Variants in TRABD observed in about 807,000 individuals in gnomAD.
The protein encoded by TRABD is traB domain-containing protein.
In TRABD, 23 loss-of-function variants were observed where a neutral mutation model predicts 39.6. The observed-to-expected ratio is 0.58, with a 90% confidence interval of 0.42 to 0.82. TRABD has a LOEUF of 0.82. Ranked by LOEUF, TRABD falls within the 40% of genes least tolerant of loss-of-function variation. TRABD has a pLI of 0.00. For missense variants in TRABD, 487 were observed against 544.9 expected, an observed-to-expected ratio of 0.89 and a Z score of 1.06; for synonymous variants, 243 against 232.1, an observed-to-expected ratio of 1.05 and a Z score of -0.43.
intron 5 of TRABD, among the ~76,000 whole-genome samples, chr22:50,196,248 C>T (rs1451160071): frequency 1.3e-5 from 2 of 152,222 alleles, no homozygotes; most frequent in Admixed American, 6.5e-5. Flanking sequence ...GAGTGGGTCC[C>T]AGTGGACCAA....
intron 5 of TRABD, 39 bp downstream of exon 5, chr22:50,195,079 G>A: frequency 1.2e-5 from 19 of 1,521,670 alleles, no homozygotes; most frequent in Non-Finnish European, 1.7e-5. Flanking sequence ...CAGGGTCGGG[G>A]TCAAAGCCAC....
At chr22:50,188,530 G>A (rs1185485551) in intron 1 of TRABD, among the ~76,000 whole-genome samples, 34 of 152,172 alleles carry the variant, frequency 2.2e-4, no homozygotes, top group Non-Finnish European at 1.0e-4. Context: ...GCTTGTAGAC[G>A]GGCCCCCGCG....
In TRABD at chr22:50,195,052, C is replaced by T. The variant is rs952595997; in HGVS notation, c.420+12C>T. ...AGGCCGTGAGGCAGGTGCGCAGCCG[C>T]GGGCAAGGGTCAGGGTCAGGGTCGG... On this transcript the variant is annotated intron_variant, in intron 5 of 9. Transcript: ENST00000380909. 9 of 1,571,618 alleles carry T rather than the reference C, an allele frequency of 5.7e-6. No individual in the cohort carries two copies. Among genetic ancestry groups the T allele is most frequent in the East Asian group, 2.3e-5 (1 of 42,898 alleles).
chr22:50,197,976 G>C lies in TRABD; in HGVS notation c.825G>C (p.Glu275Asp), dbSNP rs368833269. The C allele has an allele frequency of 6.2e-7, 1 of 1,612,202 alleles. No homozygotes were observed. The highest frequency in any genetic ancestry group is 8.5e-7 in the Non-Finnish European group (1 of 1,179,616). Residue 275 changes from glutamate to aspartate, a missense_variant, in exon 8 of 10, where the codon GAG becomes GAC. Glu to Asp is a conservative substitution (Grantham distance 45, BLOSUM62 2). This residue lies in a region of TRABD where 358 missense variants were observed against 414.7 expected (regional missense o/e 0.86). Transcript: ENST00000380909. ...YMLRQAARRLELPRASDAEPR... is the reference protein window; with the variant it reads ...YMLRQAARRLDLPRASDAEPR... The stretch of plus-strand genomic sequence containing the variant: ...TGCGCCAGGCCGCGCGGCGCCTCGA[G>C]CTGCCTCGGGCCTCTGACGGTGACG...
chr22:50,199,007 C>T lies in TRABD; in HGVS notation c.*488C>T. ...CCAGCCGACCCCACCGTGCCCCTGG[C>T]ATCCTGGCCCTGGCCGCCACCTCCC... On this transcript the variant is annotated 3_prime_UTR_variant, in exon 10 of 10. Coordinates refer to ENST00000380909, the MANE Select transcript of TRABD (RefSeq NM_001320485.2). 3.0e-6 allele frequency: 2 copies of T among 663,770 alleles called. No homozygotes were observed. Among genetic ancestry groups the T allele is most frequent in the Non-Finnish European group, 5.6e-6 (2 of 354,892 alleles). The allele number at this position is 663,770 out of a possible 1,614,324, so 41.1% of individuals were successfully genotyped here.
rs1290783311 is a variant in TRABD, at chr22:50,198,082, C to T, written c.852C>T (p.Pro284=). 1.2e-6 allele frequency: 2 copies of T among 1,612,528 alleles called. No homozygotes were observed. The highest frequency in any genetic ancestry group is 2.2e-5 in the East Asian group (1 of 44,860). Reference sequence around the variant, plus strand: ...CCTTGTCCTTCCCCACAGCCGAGCCCAGGAAGTGCGTCCCCTCCGTGGTCG... The same window carrying T: ...CCTTGTCCTTCCCCACAGCCGAGCCTAGGAAGTGCGTCCCCTCCGTGGTCG... ...LELPRASDAE[P]RKCVPSVVVG... Residue 284 remains proline, a synonymous_variant, in exon 9 of 10, where the codon CCC becomes CCT. Transcript: ENST00000380909. This position sits in a 1 kb window ranked among gnomAD's most constrained non-coding sequence, Gnocchi z 7.9.
At chr22:50,189,314 G>A (rs1188744365) in intron 1 of TRABD, among the ~76,000 whole-genome samples, 1 of 152,244 alleles carries the variant, frequency 6.6e-6, no homozygotes, top group Non-Finnish European at 1.5e-5. Flanking sequence ...TCCTGCCCAG[G>A]GTAGCACTGG....
intron 3 of TRABD, 112 bp from the exon 4 acceptor site, chr22:50,194,228 C>T (rs1026925002): frequency 8.1e-6 from 11 of 1,357,682 alleles, no homozygotes; most frequent in African/African-American, 5.8e-5. Context: ...TTGTGCTCTG[C>T]ACCTGTTCAG....
intron 1 of TRABD, among the ~76,000 whole-genome samples, chr22:50,191,256 C>G (rs1488430674): frequency 6.6e-6 from 1 of 152,194 alleles, no homozygotes; most frequent in African/African-American, 2.4e-5. Flanking sequence ...TGCACTGAGA[C>G]AGGCCTCTTC....
intron 1 of TRABD, among the ~76,000 whole-genome samples, chr22:50,190,975 G>A (rs767831551): frequency 4.6e-5 from 7 of 152,230 alleles, no homozygotes; most frequent in Non-Finnish European, 8.8e-5. Flanking sequence ...GGCAAGGAGT[G>A]GGACCCCCTG....
Position 50,198,160 on chromosome 22 carries a change from C to G in TRABD, c.930C>G (p.Thr310=), listed in dbSNP as rs779703826. The part of the protein sequence containing the change: ...HVPGIEKNWS[T]DLNIQEIMTV... ...CTGGCATCGAGAAGAACTGGAGCAC[C>G]GACCTCAACATCCAGGAGATCATGA... Residue 310 remains threonine, a synonymous_variant, in exon 9 of 10, where the codon ACC becomes ACG. Coordinates refer to ENST00000380909, the MANE Select transcript of TRABD (RefSeq NM_001320485.2). The surrounding 1 kb of genome is among the most constrained non-coding windows in gnomAD (Gnocchi z 7.9). 1.2e-6 allele frequency: 2 copies of G among 1,612,074 alleles called. No individual in the cohort carries two copies. The highest frequency in any genetic ancestry group is 1.7e-6 in the Non-Finnish European group (2 of 1,179,468).
At chr22:50,197,742 C>T (rs1477615584) in intron 7 of TRABD, 81 bp from the exon 8 acceptor site, 14 of 1,582,288 alleles carry the variant, frequency 8.8e-6, no homozygotes, top group Non-Finnish European at 1.2e-5. Context: ...GCTGTGGTCC[C>T]TGCCCGGTGT....
intron 2 of TRABD, among the ~76,000 whole-genome samples, 153 bp from the exon 3 acceptor site, chr22:50,193,423 G>A (rs1011851004): frequency 3.3e-5 from 5 of 152,104 alleles, no homozygotes; most frequent in South Asian, 4.2e-4. Context: ...TACGTGGTCC[G>A]TGGAGCGGTC....
chr22:50,196,433 G>A (rs1386731740), intron 5 of TRABD, among the ~76,000 whole-genome samples: 1 of 152,224 alleles, frequency 6.6e-6, no homozygotes, highest in Admixed American at 6.5e-5. Context: ...GGCCCCCGGG[G>A]CTTTGCTGCC....
Position 50,194,375 on chromosome 22 carries a change from A to C in TRABD, c.148A>C (p.Lys50Gln). ...VDAFNLLLEMKLKRRRQRPNL... is the reference protein window; with the variant it reads ...VDAFNLLLEMQLKRRRQRPNL... ...CGCCTTCAACCTGCTCCTGGAGATG[A>C]AGCTGAAGCGGCGGCGTCAGCGGCC... The change falls in exon 4 of 10, where the codon AAG (lysine) becomes CAG (glutamine). Residue 50 changes from lysine to glutamine, a missense_variant. Physicochemically the swap from Lys to Gln is moderately conservative, Grantham distance 53 (BLOSUM62 1). This residue lies in a region of TRABD where 358 missense variants were observed against 414.7 expected (regional missense o/e 0.86). Transcript: ENST00000380909. The C allele has an allele frequency of 6.2e-7, 1 of 1,612,964 alleles. No individual in the cohort carries two copies. The highest frequency in any genetic ancestry group is 8.5e-7 in the Non-Finnish European group (1 of 1,179,848).
Position 50,197,576 on chromosome 22 carries a change from C to A in TRABD, c.659C>A (p.Ser220Ter). ...CTGGCTTGGGGCCTGTGCTTCCTGT[C>A]AGACCCCATCAGGTAGGGCTGCCCC... ...VRLAWGLCFL[S>*]DPISKDDVER... Residue 220 changes from serine to a stop codon, truncating the protein, a stop_gained, in exon 7 of 10, where the codon TCA (serine) becomes TAA (stop). Transcript: ENST00000380909. LOFTEE classifies it high-confidence loss of function. The A allele has an allele frequency of 1.9e-6, 3 of 1,613,174 alleles. No homozygotes were observed. Among genetic ancestry groups the A allele is most frequent in the South Asian group, 2.2e-5 (2 of 91,078 alleles).
chr22:50,190,424 C>G (rs187795270), intron 1 of TRABD, among the ~76,000 whole-genome samples: 89 of 152,280 alleles, frequency 5.8e-4, no homozygotes, highest in African/African-American at 2.1e-3. Context: ...CAGGCGTACC[C>G]TAGGCCGGCC....
chr22:50,197,235 C>T lies in TRABD; in HGVS notation c.421-6C>T, dbSNP rs1422452185. 2 of 1,612,788 alleles carry T rather than the reference C, an allele frequency of 1.2e-6. No homozygotes were observed. The highest frequency in any genetic ancestry group is 1.7e-6 in the Non-Finnish European group (2 of 1,179,686). On this transcript the variant is annotated splice_region_variant and splice_polypyrimidine_tract_variant and intron_variant, in intron 5 of 9. Coordinates refer to ENST00000380909, the MANE Select transcript of TRABD (RefSeq NM_001320485.2). The stretch of plus-strand genomic sequence containing the variant: ...TCCAGCTGATGCCTGCTCCCTCTCT[C>T]TGCAGAACGGGCTCATGTCGGGGCT...
intron 7 of TRABD, 33 bp from the exon 8 acceptor site, chr22:50,197,790 T>TC: frequency 1.4e-6 from 1 of 728,782 alleles, no homozygotes; most frequent in South Asian, 1.4e-5. Flanking sequence ...CCGTTGCCCA[T>TC]CCCTGCGGGG....
Sources: gnomAD v4.1 joint callset for allele counts (sites outside exome capture counted in the v4.1 genomes callset) on GRCh38, gnomAD v4.1.1 for gene constraint, gnomAD v4.1.1 regional missense constraint, Gnocchi (gnomAD v3.1) non-coding constraint, MANE v1.5 for transcripts, NCBI Gene and HGNC (gene_info 2026-07-23, HGNC 2026-07-21) for gene names.